Variants in WDFY4 observed in about 807,000 individuals in gnomAD.
WDFY4 encodes the protein WDFY family member 4, also known as WD repeat- and FYVE domain-containing protein 4.
Under a neutral mutation model 351.9 loss-of-function variants are expected in WDFY4, and 169 were observed. That is an observed-to-expected ratio of 0.48 (90% CI 0.42 to 0.55). The LOEUF is 0.55. Ranked by LOEUF, WDFY4 falls within the 20% of genes least tolerant of loss-of-function variation. The pLI is 0.00. For synonymous variants in WDFY4, 1,622 were observed against 1,574.6 expected (o/e 1.03, Z -0.71); for missense variants, 3,803 against 3,935.6 (o/e 0.97, Z 0.90).
At chr10:48,887,503 G>A (rs996340307) in intron 43 of WDFY4, among the ~76,000 whole-genome samples, 1 of 152,216 alleles carries the variant, frequency 6.6e-6, no homozygotes, top group Non-Finnish European at 1.5e-5. Flanking sequence ...TTCAGGCCAG[G>A]CGCGGTGGCT....
chr10:48,823,907 A>T lies in WDFY4; in HGVS notation c.5982+1370A>T, dbSNP rs73310060. ...GATAAAGAAATGAATCCCAAACCCC[A>T]ACAGGTTTAAACAGACCTTCACTTC... On this transcript the variant is annotated intron_variant, in intron 35 of 61. Coordinates refer to ENST00000325239, the MANE Select transcript of WDFY4 (RefSeq NM_001394531.1). The T allele has an allele frequency of 5.1e-4, 502 of 985,648 alleles. No homozygotes were observed. In the African/African-American group the frequency reaches 8.0e-3, roughly 16 times the overall value. The allele number at this position is 985,648 out of a possible 1,614,324, so 61.1% of individuals were successfully genotyped here.
chr10:48,966,595 C>T lies in WDFY4; in HGVS notation c.8506C>T (p.Pro2836Ser), dbSNP rs1320062523. 2.6e-6 allele frequency: 4 copies of T among 1,551,924 alleles called. No homozygotes were observed. Among genetic ancestry groups the T allele is most frequent in the African/African-American group, 2.7e-5 (2 of 73,058 alleles). ...TCTGCCTGGAAAGGATGTCTCCACCCCCGTGAGCCTGCCTGGCCACCCACA... is the reference window on the plus strand; with the variant it reads ...TCTGCCTGGAAAGGATGTCTCCACCTCCGTGAGCCTGCCTGGCCACCCACA... The part of the protein sequence containing the change: ...KPLPGKDVST[P>S]VSLPGHPQPF... The change falls in exon 55 of 62, where the codon CCC becomes TCC. Residue 2836 changes from proline to serine, a missense_variant. Pro to Ser is a moderately conservative substitution (Grantham distance 74). This residue lies in a region of WDFY4 where 3,054 missense variants were observed against 3,148.6 expected (regional missense o/e 0.97). Coordinates refer to ENST00000325239, the MANE Select transcript of WDFY4 (RefSeq NM_001394531.1).
intron 61 of WDFY4, 100 bp downstream of exon 61, chr10:48,981,578 G>A (rs1004774402): frequency 2.0e-5 from 22 of 1,120,572 alleles, no homozygotes; most frequent in Admixed American, 1.5e-4. Flanking sequence ...TGGCCGAGGA[G>A]GCCACTTCAC....
chr10:48,970,320 C>T (rs2131835792), intron 57 of WDFY4, 31 bp downstream of exon 57: 1 of 1,543,678 alleles, frequency 6.5e-7, no homozygotes, highest in Non-Finnish European at 8.7e-7. Flanking sequence ...GTGCGGTCCT[C>T]AGGTGGGGAC....
At chr10:48,725,353 C>A (rs548030846) in intron 5 of WDFY4, among the ~76,000 whole-genome samples, 3 of 152,004 alleles carry the variant, frequency 2.0e-5, no homozygotes, top group African/African-American at 7.3e-5. Flanking sequence ...GGCCATGCTA[C>A]GGTGGTGGGA....
intron 26 of WDFY4, 63 bp from the exon 27 acceptor site, chr10:48,805,941 A>G: frequency 7.1e-7 from 1 of 1,413,022 alleles, no homozygotes; most frequent in East Asian, 2.5e-5. Flanking sequence ...AAACACTGGC[A>G]TGTACTCAGC....
intron 43 of WDFY4, among the ~76,000 whole-genome samples, chr10:48,884,516 C>G (rs1564448049): frequency 6.6e-6 from 1 of 151,978 alleles, no homozygotes; most frequent in African/African-American, 2.4e-5. Flanking sequence ...ACATGTGCAA[C>G]CACATGCACA....
At chr10:48,859,377 GTTAAAAACATTTATACCTAT>G (rs1204029989) in intron 39 of WDFY4, among the ~76,000 whole-genome samples, 2 of 152,152 alleles carry the variant, frequency 1.3e-5, no homozygotes, top group African/African-American at 4.8e-5. Context: ...CCTTTATCAA[GTTAAAAACATTTATACCTAT>G]TCCTAGTTTG....
At chr10:48,869,243 G>A (rs1168054829) in intron 40 of WDFY4, among the ~76,000 whole-genome samples, 1 of 152,194 alleles carries the variant, frequency 6.6e-6, no homozygotes, top group Non-Finnish European at 1.5e-5. Context: ...ACTCTGGACA[G>A]AGATTAGGCT....
intron 51 of WDFY4, among the ~76,000 whole-genome samples, chr10:48,950,380 C>T (rs535809666): frequency 4.6e-5 from 7 of 152,322 alleles, no homozygotes; most frequent in Middle Eastern, 3.4e-3. Context: ...CAGTTTCCTA[C>T]GGCTGAGTCT....
chr10:48,976,597 T>G (rs1842579034), intron 58 of WDFY4, 200 bp from the exon 59 acceptor site: 1 of 408,076 alleles, frequency 2.5e-6, no homozygotes, highest in Non-Finnish European at 4.2e-6. Flanking sequence ...GACTGCAGTA[T>G]GAAAAGAACC....
intron 51 of WDFY4, 27 bp downstream of exon 51, chr10:48,946,996 AC>A: frequency 1.5e-6 from 2 of 1,291,542 alleles, no homozygotes; most frequent in Middle Eastern, 1.9e-4. Context: ...CTCTGTACAC[AC>A]ACACACACAC....
intron 55 of WDFY4, chr10:48,967,157 A>G (rs1240350773): frequency 1.3e-5 from 2 of 154,162 alleles, no homozygotes; most frequent in Admixed American, 1.3e-4. Context: ...GTAGCTAAGA[A>G]CATGTGCTCT....
At chr10:48,742,567 G>A (rs980286761) in intron 11 of WDFY4, among the ~76,000 whole-genome samples, 8 of 152,210 alleles carry the variant, frequency 5.3e-5, no homozygotes, top group Non-Finnish European at 5.9e-5. Context: ...TTTCCATCTC[G>A]TGGAGCTTCA....
chr10:48,975,772 G>C (rs947474661), intron 58 of WDFY4, among the ~76,000 whole-genome samples: 1 of 152,098 alleles, frequency 6.6e-6, no homozygotes, highest in Non-Finnish European at 1.5e-5. Flanking sequence ...ATAGATGGAT[G>C]GACGGGTGGA....
At chr10:48,801,000 T>C (rs1253217878) in intron 24 of WDFY4, among the ~76,000 whole-genome samples, 1 of 152,162 alleles carries the variant, frequency 6.6e-6, no homozygotes, top group East Asian at 1.9e-4. Context: ...CCCAAAGTTC[T>C]GGGATTATAG....
chr10:48,821,178 T>G lies in WDFY4; in HGVS notation c.5824+2T>G. 6.5e-7 allele frequency: 1 copy of G among 1,549,014 alleles called. No individual in the cohort carries two copies. The highest frequency in any genetic ancestry group is 1.2e-5 in the South Asian group (1 of 84,014). On this transcript the variant is annotated splice_donor_variant, in intron 34 of 61. Coordinates refer to ENST00000325239, the MANE Select transcript of WDFY4 (RefSeq NM_001394531.1). LOFTEE classifies it high-confidence loss of function. ...GAGGTGATGCAGCGATGTTCAGAGG[T>G]GAGTGGGGCAACTCGGTCCCCTCCA...
At chr10:48,694,167 A>C (rs1183580762) in intron 1 of WDFY4, among the ~76,000 whole-genome samples, 4 of 152,176 alleles carry the variant, frequency 2.6e-5, no homozygotes, top group Admixed American at 2.6e-4. Flanking sequence ...GATATAAAGG[A>C]TCCTGCAAAG....
intron 47 of WDFY4, among the ~76,000 whole-genome samples, chr10:48,919,648 G>A (rs1472915576): frequency 6.6e-6 from 1 of 152,134 alleles, no homozygotes; most frequent in Non-Finnish European, 1.5e-5. Context: ...GTCCTCACAT[G>A]GTAGAAAGAG....
Sources: gnomAD v4.1 joint callset for allele counts (sites outside exome capture counted in the v4.1 genomes callset) on GRCh38, gnomAD v4.1.1 for gene constraint, gnomAD v4.1.1 regional missense constraint, MANE v1.5 for transcripts, NCBI Gene and HGNC (gene_info 2026-07-23, HGNC 2026-07-21) for gene names.